Variants in WWTR1 observed in about 807,000 individuals in gnomAD.
WWTR1 encodes the protein WW domain containing transcription regulator 1.
In WWTR1, 13 loss-of-function variants were observed where a neutral mutation model predicts 40.1. The observed-to-expected ratio is 0.32, with a 90% CI of 0.21 to 0.52. WWTR1 has a LOEUF of 0.52. WWTR1 is among the 20% of genes least tolerant of loss of function. The pLI, the probability that WWTR1 is intolerant of heterozygous loss-of-function variation, is 0.97. For synonymous variants in WWTR1, 230 were observed against 210.1 expected (o/e 1.09, Z -0.82); for missense variants, 436 against 523.1 (o/e 0.83, Z 1.63).
intron 2 of WWTR1, among the ~76,000 whole-genome samples, chr3:149,591,534 T>C (rs1309722067): frequency 6.6e-6 from 1 of 152,238 alleles, no homozygotes; most frequent in Non-Finnish European, 1.5e-5. Flanking sequence ...ATTGACTATA[T>C]AACTGTAATT....
chr3:149,646,358 C>A (rs912213428), intron 2 of WWTR1, among the ~76,000 whole-genome samples: 2 of 152,246 alleles, frequency 1.3e-5, no homozygotes, highest in South Asian at 2.1e-4. Context: ...TGACTCACCA[C>A]ACAAGAGTGA....
At chr3:149,604,026 A>G (rs904380209) in intron 2 of WWTR1, among the ~76,000 whole-genome samples, 6 of 152,190 alleles carry the variant, frequency 3.9e-5, no homozygotes, top group African/African-American at 1.4e-4. Flanking sequence ...TTCAAAACAC[A>G]GAAACTTTTT....
At chr3:149,590,747 G>A (rs917196755) in intron 2 of WWTR1, among the ~76,000 whole-genome samples, 5 of 152,188 alleles carry the variant, frequency 3.3e-5, no homozygotes, top group Non-Finnish European at 5.9e-5. Flanking sequence ...CTCATAATAA[G>A]GTCTAGGGCT....
At chr3:149,596,480 G>A (rs536034590) in intron 2 of WWTR1, among the ~76,000 whole-genome samples, 2 of 152,202 alleles carry the variant, frequency 1.3e-5, no homozygotes, top group Non-Finnish European at 2.9e-5. Context: ...GATTAAGTTA[G>A]AAAAGGTGAG....
chr3:149,689,259 T>C (rs1714741971), intron 1 of WWTR1, among the ~76,000 whole-genome samples: 1 of 151,692 alleles, frequency 6.6e-6, no homozygotes, highest in Admixed American at 6.6e-5. Context: ...TTTGCACCTG[T>C]AGTCCCAGCT....
chr3:149,620,074 C>T (rs148750984), intron 2 of WWTR1, among the ~76,000 whole-genome samples: 113 of 152,260 alleles, frequency 7.4e-4, no homozygotes, highest in African/African-American at 2.5e-3. Context: ...TATAGAAAAA[C>T]GCTTTCTTAA....
intron 4 of WWTR1, among the ~76,000 whole-genome samples, chr3:149,538,583 TAAGGAAATTC>T (rs1227528561): frequency 6.6e-6 from 1 of 152,212 alleles, no homozygotes; most frequent in African/African-American, 2.4e-5. Flanking sequence ...GGACTGCATT[TAAGGAAATTC>T]TCCTGCTTCA....
At chr3:149,616,538 G>A (rs1739982608) in intron 2 of WWTR1, among the ~76,000 whole-genome samples, 2 of 151,802 alleles carry the variant, frequency 1.3e-5, no homozygotes, top group Non-Finnish European at 2.9e-5. Flanking sequence ...TGCCTCCCAG[G>A]TTCAAGCAAT....
chr3:149,534,385 T>C (rs979336816), intron 4 of WWTR1, among the ~76,000 whole-genome samples: 2 of 152,114 alleles, frequency 1.3e-5, no homozygotes, highest in Non-Finnish European at 2.9e-5. Flanking sequence ...CTGTGAGAAC[T>C]GGGCAAGTTA....
At chr3:149,538,013 A>G (rs79608984) in intron 4 of WWTR1, among the ~76,000 whole-genome samples, 22,160 of 151,378 alleles carry the variant, frequency 0.15, 2,201 homozygotes, top group East Asian at 0.5. Flanking sequence ...TCCACCTCCC[A>G]GGTCCAAGAG....
intron 2 of WWTR1, among the ~76,000 whole-genome samples, chr3:149,625,364 C>G (rs1043133762): frequency 6.6e-6 from 1 of 151,682 alleles, no homozygotes; most frequent in Non-Finnish European, 1.5e-5. Context: ...GTGATCCACC[C>G]GCCTAAGCCT....
intron 4 of WWTR1, among the ~76,000 whole-genome samples, chr3:149,528,348 T>A (rs1256799330): frequency 6.6e-6 from 1 of 152,220 alleles, no homozygotes; most frequent in Non-Finnish European, 1.5e-5. Flanking sequence ...ATCAGACTCC[T>A]CTGGACTATA....
At chr3:149,712,890 T>C (rs1715514550) in intron 5 of WWTR1, among the ~76,000 whole-genome samples, 1 of 152,222 alleles carries the variant, frequency 6.6e-6, no homozygotes, top group Non-Finnish European at 1.5e-5. Flanking sequence ...TAGATATTAT[T>C]ATTATGACAT....
intron 2 of WWTR1, among the ~76,000 whole-genome samples, chr3:149,613,765 C>T (rs549635833): frequency 2.0e-5 from 3 of 152,164 alleles, no homozygotes; most frequent in African/African-American, 7.2e-5. Context: ...AGGCTGGTCT[C>T]GAAATCTTGG....
chr3:149,528,566 C>A (rs1208729768), intron 4 of WWTR1, among the ~76,000 whole-genome samples: 1 of 151,994 alleles, frequency 6.6e-6, no homozygotes, highest in African/African-American at 2.4e-5. Context: ...TCGAGGTGGG[C>A]GGATCACTGG....
chr3:149,711,665 T>C (rs1420848505), intron 5 of WWTR1, among the ~76,000 whole-genome samples: 3 of 152,244 alleles, frequency 2.0e-5, no homozygotes, highest in Non-Finnish European at 4.4e-5. Flanking sequence ...TAATCACTTC[T>C]GGTTTTCATC....
chr3:149,657,513 TA>T, intron 1 of WWTR1: 2 of 606,932 alleles, frequency 3.3e-6, no homozygotes, highest in Non-Finnish European at 5.6e-6. Context: ...CCTCGAGAAT[TA>T]TGCAACTTTC....
chr3:149,561,461 C>T (rs149033679), intron 3 of WWTR1, among the ~76,000 whole-genome samples: 16 of 152,214 alleles, frequency 1.1e-4, no homozygotes, highest in African/African-American at 3.9e-4. Flanking sequence ...AATTGGTATA[C>T]CTTTTTGGAA....
At chr3:149,624,494 A>G (rs1422867337) in intron 2 of WWTR1, among the ~76,000 whole-genome samples, 6 of 152,174 alleles carry the variant, frequency 3.9e-5, no homozygotes, top group African/African-American at 1.4e-4. Flanking sequence ...ACAGGAATCT[A>G]TATTCTGTGC....
Sources: gnomAD v4.1 joint callset for allele counts (sites outside exome capture counted in the v4.1 genomes callset) on GRCh38, gnomAD v4.1.1 for gene constraint, MANE v1.5 for transcripts, NCBI Gene and HGNC (gene_info 2026-07-23, HGNC 2026-07-21) for gene names.